The following KAZN variants were observed in gnomAD, a reference collection of about 807,000 sequenced individuals.
KAZN encodes kazrin, periplakin interacting protein.
A neutral mutation model predicts 87.4 loss-of-function variants in KAZN; 40 were observed. The observed-to-expected ratio is 0.46, with a 90% CI of 0.36 to 0.60. The LOEUF (loss-of-function observed/expected upper bound fraction) is 0.60. Ranked by LOEUF, KAZN falls within the 20% of genes least tolerant of loss-of-function variation. The probability of loss-of-function intolerance (pLI) is 0.00; values close to 1 mark genes in which losing one functional copy is unlikely to be tolerated. For synonymous variants in KAZN, 466 were observed against 458.3 expected (o/e 1.02, Z -0.22); for missense variants, 898 against 1,073.9 (o/e 0.84, Z 2.29).
At chr1:15,051,128 G>T (rs996323528) in intron 4 of KAZN, among the ~76,000 whole-genome samples, 1 of 152,264 alleles carries the variant, frequency 6.6e-6, no homozygotes, top group Admixed American at 6.5e-5. Context: ...CCTGCCTCGG[G>T]ATCCTCCCAG....
rs557517222 is a variant in KAZN, at chr1:14,756,058, G to T, written c.226+156835G>T. ...GAGGGAAGTCAGCCTCTGCAGACACGGTACTTCCTGCCTTCTGCTAGTTGC... is the reference window on the plus strand; with the variant it reads ...GAGGGAAGTCAGCCTCTGCAGACACTGTACTTCCTGCCTTCTGCTAGTTGC... On this transcript the variant is annotated intron_variant, in intron 1 of 14. Transcript: ENST00000376030. Among the ~76,000 whole-genome samples the T allele has an allele frequency of 5.1e-4, 77 of 152,234 alleles. 1 individual carries two copies. The South Asian group carries it at 0.016, about 31-fold the overall frequency.
At chr1:14,488,787 C>T (rs1362550584) in intron 2 of KAZN, among the ~76,000 whole-genome samples, 2 of 152,190 alleles carry the variant, frequency 1.3e-5, no homozygotes, top group Non-Finnish European at 2.9e-5. Flanking sequence ...GGATCCTTCC[C>T]GTTAGCCCTC....
In KAZN at chr1:14,389,505, A is replaced by T. The variant is rs1487068124; in HGVS notation, c.249+208913A>T. On this transcript the variant is annotated intron_variant, in intron 2 of 16. Transcript: ENST00000636203. ...AAAAAATGTTACACATACACAATGG[A>T]GTACTATTCAGCCATAAAAAGAACA... Among the ~76,000 whole-genome samples the T allele has an allele frequency of 2.6e-5, 4 of 152,228 alleles. No homozygotes were observed. The East Asian group carries it at 7.7e-4, about 29-fold the overall frequency.
intron 2 of KAZN, among the ~76,000 whole-genome samples, chr1:14,975,377 C>CT (rs1244051480): frequency 6.6e-6 from 1 of 152,188 alleles, no homozygotes; most frequent in African/African-American, 2.4e-5. Context: ...GCCTTCATGC[C>CT]TGGAGCCTGA....
At chr1:13,956,450 C>G (rs1641554857) in intron 1 of KAZN, among the ~76,000 whole-genome samples, 1 of 151,642 alleles carries the variant, frequency 6.6e-6, no homozygotes, top group South Asian at 2.1e-4. Flanking sequence ...CTGTTCCTGA[C>G]CAATGACAAA....
At chr1:14,526,636 T>G (rs1671880646) in intron 2 of KAZN, among the ~76,000 whole-genome samples, 3 of 152,222 alleles carry the variant, frequency 2.0e-5, no homozygotes, top group Admixed American at 2.0e-4. Flanking sequence ...TGCTCTTGAC[T>G]TCAGCCATTT....
chr1:14,024,211 G>A (rs1222219209), intron 1 of KAZN, among the ~76,000 whole-genome samples: 1 of 152,224 alleles, frequency 6.6e-6, no homozygotes, highest in African/African-American at 2.4e-5. Context: ...TTTATCAACA[G>A]CCACAAATTG....
intron 1 of KAZN, among the ~76,000 whole-genome samples, chr1:13,902,257 G>C (rs992272378): frequency 6.6e-6 from 1 of 152,242 alleles, no homozygotes; most frequent in Admixed American, 6.5e-5. Context: ...AAAGTGCTGG[G>C]ATTAAATGAC....
At chr1:14,768,143 G>T (rs1458939308) in intron 1 of KAZN, among the ~76,000 whole-genome samples, 1 of 152,100 alleles carries the variant, frequency 6.6e-6, no homozygotes, top group African/African-American at 2.4e-5. Context: ...CTTCATCTGA[G>T]CATTTTTGTA....
chr1:14,909,358 T>G (rs909042675), intron 1 of KAZN, among the ~76,000 whole-genome samples: 1 of 152,142 alleles, frequency 6.6e-6, no homozygotes, highest in African/African-American at 2.4e-5. Flanking sequence ...GCCTCTGCCC[T>G]CTCTCTCCAC....
At chr1:14,133,905 C>A (rs934456888) in intron 1 of KAZN, among the ~76,000 whole-genome samples, 1 of 152,280 alleles carries the variant, frequency 6.6e-6, no homozygotes, top group African/African-American at 2.4e-5. Flanking sequence ...ATCCTTTTGA[C>A]CTCTAAGTCC....
At chr1:15,093,120 C>A (rs1428653594) in intron 8 of KAZN, among the ~76,000 whole-genome samples, 3 of 152,126 alleles carry the variant, frequency 2.0e-5, no homozygotes, top group East Asian at 1.9e-4. Context: ...AATTACGGAG[C>A]CTCCTTCTGA....
At chr1:14,782,554 CAAAAAAAAAAAA>C (rs71572122) in intron 1 of KAZN, among the ~76,000 whole-genome samples, 2 of 66,266 alleles carry the variant, frequency 3.0e-5, no homozygotes, top group South Asian at 7.3e-4. Context: ...CCTCAAAGAG[CAAAAAAAAAAAA>C]AAAAAAAAAA....
rs529039346 is a variant in KAZN at position 14,574,529 on chromosome 1, CTT to C, written c.250-24453_250-24452del. ...CCCTTTCTCTTGGCTCTTATTCTCT[CTT>C]GTCTGCCGCCATGTAAGACATGCCT... On this transcript the variant is annotated intron_variant, in intron 2 of 16. Transcript: ENST00000636203. Among the ~76,000 whole-genome samples, 130 of 152,312 alleles carry C rather than the reference CTT, an allele frequency of 8.5e-4. 1 individual carries two copies. The highest frequency in any genetic ancestry group is 3.0e-3 in the African/African-American group (126 of 41,584).
chr1:14,038,951 G>A lies in KAZN; in HGVS notation c.92-141484G>A, dbSNP rs149881344. Among the ~76,000 whole-genome samples, 1,409 of 152,128 alleles carry A rather than the reference G, an allele frequency of 9.3e-3. 18 individuals are homozygous for A. The highest frequency in any genetic ancestry group is 0.033 in the African/African-American group (1,355 of 41,494). The stretch of plus-strand genomic sequence containing the variant: ...GAGGCTGAGGCAGGTGGATCATGAG[G>A]TCAGGAGATTGAGACCATCCTGGCC... On this transcript the variant is annotated intron_variant, in intron 1 of 16. Transcript: ENST00000636203.
At chr1:14,072,365 C>T (rs1344053406) in intron 1 of KAZN, among the ~76,000 whole-genome samples, 1 of 152,098 alleles carries the variant, frequency 6.6e-6, no homozygotes, top group East Asian at 1.9e-4. Flanking sequence ...AGAGGGCAAG[C>T]CCCAGCTGTG....
chr1:14,779,708 T>G (rs1405676886), intron 1 of KAZN, among the ~76,000 whole-genome samples: 1 of 152,200 alleles, frequency 6.6e-6, no homozygotes, highest in Non-Finnish European at 1.5e-5. Flanking sequence ...GGGTTTGGCT[T>G]TGTTATTTTT....
intron 1 of KAZN, among the ~76,000 whole-genome samples, chr1:14,609,696 C>A (rs1326376463): frequency 6.6e-6 from 1 of 152,226 alleles, no homozygotes; most frequent in Non-Finnish European, 1.5e-5. Context: ...AGTCTCTCTA[C>A]CTAGACATCT....
intron 1 of KAZN, among the ~76,000 whole-genome samples, chr1:14,623,276 T>C (rs1678856213): frequency 6.6e-6 from 1 of 152,240 alleles, no homozygotes; most frequent in Non-Finnish European, 1.5e-5. Flanking sequence ...CACCATGGAA[T>C]ACTATGCAGG....
Sources: allele counts gnomAD v4.1 joint callset (sites outside exome capture counted in the v4.1 genomes callset), GRCh38; gene constraint gnomAD v4.1.1; transcripts MANE v1.5; gene names NCBI Gene and HGNC (gene_info 2026-07-23, HGNC 2026-07-21).